The following FARS2 variants were observed in gnomAD, a reference collection of about 807,000 sequenced individuals.
FARS2 encodes the protein phenylalanine--tRNA ligase, mitochondrial.
In FARS2, 40 loss-of-function variants were observed where a neutral mutation model predicts 46.4. The ratio of observed to expected loss-of-function variants is 0.86; its 90% CI spans 0.67 to 1.12. The LOEUF (loss-of-function observed/expected upper bound fraction) is 1.12. FARS2 is among the 50% of genes most tolerant of loss of function. The pLI, the probability that FARS2 is intolerant of heterozygous loss-of-function variation, is 0.00. For missense variants in FARS2, 513 were observed against 567.9 expected, an observed-to-expected ratio of 0.90 and a Z score of 0.98; for synonymous variants, 234 against 214.9, an observed-to-expected ratio of 1.09 and a Z score of -0.78.
intron 4 of FARS2, among the ~76,000 whole-genome samples, chr6:5,450,021 A>C (rs1201985713): frequency 6.6e-6 from 1 of 152,186 alleles, no homozygotes; most frequent in Non-Finnish European, 1.5e-5. Flanking sequence ...CTCTGTATAC[A>C]TGGGTTTTGC....
chr6:5,375,921 G>C (rs1342886269), intron 2 of FARS2, among the ~76,000 whole-genome samples: 5 of 152,086 alleles, frequency 3.3e-5, no homozygotes. Context: ...TCATAAACAT[G>C]AGAATTCTTG....
At chr6:5,466,147 T>G (rs892936365) in intron 4 of FARS2, among the ~76,000 whole-genome samples, 2 of 152,210 alleles carry the variant, frequency 1.3e-5, no homozygotes, top group East Asian at 1.9e-4. Flanking sequence ...TCTCTTTGCC[T>G]TGGTAACTTT....
At chr6:5,738,890 G>A (rs779412986) in intron 6 of FARS2, among the ~76,000 whole-genome samples, 38 of 152,082 alleles carry the variant, frequency 2.5e-4, no homozygotes, top group African/African-American at 7.7e-4. Flanking sequence ...ATCTTGGAAC[G>A]CTTAGGGGTT....
intron 4 of FARS2, among the ~76,000 whole-genome samples, chr6:5,487,836 C>T (rs1443283400): frequency 6.6e-6 from 1 of 152,142 alleles, no homozygotes; most frequent in East Asian, 1.9e-4. Context: ...CCCTCAGTGG[C>T]TTTACTTGCT....
chr6:5,634,368 T>A (rs1776439079), intron 6 of FARS2, among the ~76,000 whole-genome samples: 1 of 152,216 alleles, frequency 6.6e-6, no homozygotes, highest in Non-Finnish European at 1.5e-5. Context: ...AGTGGTATGA[T>A]CACAGTTCAC....
intron 5 of FARS2, among the ~76,000 whole-genome samples, chr6:5,596,706 G>A (rs1292359063): frequency 6.6e-6 from 1 of 152,200 alleles, no homozygotes; most frequent in Non-Finnish European, 1.5e-5. Flanking sequence ...TGAGAAACAG[G>A]AATAGTGATT....
At chr6:5,407,192 G>A (rs906688895) in intron 3 of FARS2, among the ~76,000 whole-genome samples, 5 of 151,744 alleles carry the variant, frequency 3.3e-5, no homozygotes, top group Non-Finnish European at 7.4e-5. Flanking sequence ...GTTGACAAAG[G>A]TGTAGAGAAA....
At chr6:5,257,726 C>T (rs139930866), upstream of FARS2, among the ~76,000 whole-genome samples, 1 of 152,210 alleles carries the variant, frequency 6.6e-6, no homozygotes, top group Non-Finnish European at 1.5e-5. Flanking sequence ...GAATCTAATG[C>T]CTGATGATCT....
intron 1 of FARS2, among the ~76,000 whole-genome samples, chr6:5,282,934 G>A (rs956882678): frequency 6.6e-6 from 1 of 152,136 alleles, no homozygotes; most frequent in African/African-American, 2.4e-5. Context: ...GGCTTGCAAT[G>A]CATATAGTAT....
At chr6:5,410,155 T>G (rs963924182) in intron 3 of FARS2, among the ~76,000 whole-genome samples, 16 of 115,268 alleles carry the variant, frequency 1.4e-4, no homozygotes, top group African/African-American at 5.8e-4. Context: ...TTGTGTTTTT[T>G]TGTTTTTTTT....
chr6:5,327,383 C>G (rs1037693234), intron 1 of FARS2, among the ~76,000 whole-genome samples: 1 of 152,080 alleles, frequency 6.6e-6, no homozygotes, highest in Non-Finnish European at 1.5e-5. Context: ...TGTCCCCACC[C>G]AAATCTCATC....
chr6:5,323,270 G>T (rs1322922860), intron 1 of FARS2, among the ~76,000 whole-genome samples: 1 of 151,944 alleles, frequency 6.6e-6, no homozygotes, highest in African/African-American at 2.4e-5. Context: ...GTTTTTCTTT[G>T]TTTATGCTCC....
chr6:5,646,878 A>G (rs1285096943), intron 6 of FARS2, among the ~76,000 whole-genome samples: 2 of 152,180 alleles, frequency 1.3e-5, no homozygotes, highest in African/African-American at 4.8e-5. Flanking sequence ...AGTTGGTTGA[A>G]TCCATGGATA....
rs185871395 is a variant in FARS2 at position 5,741,719 on chromosome 6, C to T, written c.1218-29572C>T. 9.9e-4 allele frequency among the ~76,000 whole-genome samples: 151 copies of T among 152,324 alleles called. 3 individuals are homozygous for T. The East Asian group carries it at 0.017, about 18-fold the overall frequency. ...AGGCTGGAGTGCAGTGGCACGATCTCGGCTCACTGCAACCTCTGCCTCCTG... is the reference window on the plus strand; with the variant it reads ...AGGCTGGAGTGCAGTGGCACGATCTTGGCTCACTGCAACCTCTGCCTCCTG... On this transcript the variant is annotated intron_variant, in intron 6 of 6. Coordinates refer to ENST00000274680, the MANE Select transcript of FARS2 (RefSeq NM_006567.5).
intron 4 of FARS2, among the ~76,000 whole-genome samples, chr6:5,511,039 C>T (rs868196724): frequency 6.6e-6 from 1 of 152,174 alleles, no homozygotes; most frequent in Non-Finnish European, 1.5e-5. Context: ...GGGGACTGAG[C>T]TTCCCTTCTC....
chr6:5,264,092 C>T (rs1050326450), intron 1 of FARS2, among the ~76,000 whole-genome samples: 1 of 151,822 alleles, frequency 6.6e-6, no homozygotes, highest in Non-Finnish European at 1.5e-5. Context: ...ACAAAAAATA[C>T]AAAAATTAAC....
chr6:5,637,193 T>C (rs977593265), intron 6 of FARS2, among the ~76,000 whole-genome samples: 3 of 152,184 alleles, frequency 2.0e-5, no homozygotes, highest in Non-Finnish European at 4.4e-5. Context: ...AATTGCCAAG[T>C]CAGACGAGGC....
At chr6:5,381,663 C>A (rs376684050) in intron 2 of FARS2, among the ~76,000 whole-genome samples, 1 of 152,146 alleles carries the variant, frequency 6.6e-6, no homozygotes, top group East Asian at 1.9e-4. Flanking sequence ...GGTCACATTG[C>A]CATGCTGGGG....
At chr6:5,260,605 C>T (rs766795190), upstream of FARS2, 1 of 822,286 alleles carries the variant, frequency 1.2e-6, no homozygotes, top group Non-Finnish European at 1.9e-6. Context: ...CGGTCCCCGG[C>T]CCCTGGCCCC....
Sources: gnomAD v4.1 joint callset for allele counts (sites outside exome capture counted in the v4.1 genomes callset) on GRCh38, gnomAD v4.1.1 for gene constraint, MANE v1.5 for transcripts, NCBI Gene and HGNC (gene_info 2026-07-23, HGNC 2026-07-21) for gene names.